RASSF6: variants seen among roughly 807,000 people sequenced by gnomAD.
RASSF6 encodes Ras association domain family member 6.
A neutral mutation model predicts 44.0 loss-of-function variants in RASSF6; 52 were observed. The observed-to-expected ratio is 1.18, with a 90% CI of 0.95 to 1.49. The LOEUF is 1.49. RASSF6 is among the 40% of genes most tolerant of loss of function. The probability of loss-of-function intolerance (pLI) is 0.00; values close to 1 mark genes in which losing one functional copy is unlikely to be tolerated. For missense variants in RASSF6, 464 were observed against 393.3 expected, an observed-to-expected ratio of 1.18 and a Z score of -1.52; for synonymous variants, 162 against 124.6, an observed-to-expected ratio of 1.30 and a Z score of -2.00.
At position 73,611,719 on chromosome 4, in the gene RASSF6, G is replaced by A. The variant is rs775046813; in HGVS notation, c.65+12C>T. 4.5e-6 allele frequency: 7 copies of A among 1,539,242 alleles called. No homozygotes were observed. The South Asian group carries it at 7.8e-5, about 17-fold the overall frequency. On this transcript the variant is annotated intron_variant, in intron 2 of 10. Coordinates refer to ENST00000307439, the MANE Select transcript of RASSF6 (RefSeq NM_177532.5). Reference sequence around the variant, plus strand: ...TGAGTAGGACAATGTATAATATAAGGTGTGTGGTTACCTGGTTATGAATGT... The same window carrying A: ...TGAGTAGGACAATGTATAATATAAGATGTGTGGTTACCTGGTTATGAATGT...
chr4:73,605,304 G>A (rs1446110922), intron 2 of RASSF6, among the ~76,000 whole-genome samples: 1 of 152,158 alleles, frequency 6.6e-6, no homozygotes, highest in East Asian at 1.9e-4. Context: ...ATATGAGGAC[G>A]CAGAAGAGAA....
intron 3 of RASSF6, among the ~76,000 whole-genome samples, chr4:73,597,437 C>A (rs1381863258): frequency 1.3e-5 from 2 of 152,158 alleles, no homozygotes; most frequent in African/African-American, 4.8e-5. Flanking sequence ...CATCTCACAC[C>A]AGTCAGAATG....
At chr4:73,614,325 C>T (rs1474343719) in intron 1 of RASSF6, among the ~76,000 whole-genome samples, 2 of 152,186 alleles carry the variant, frequency 1.3e-5, no homozygotes, top group African/African-American at 4.8e-5. Context: ...GATGTTGAAA[C>T]TTAACCCCCA....
At chr4:73,598,376 A>T (rs1725072502) in intron 3 of RASSF6, among the ~76,000 whole-genome samples, 1 of 152,240 alleles carries the variant, frequency 6.6e-6, no homozygotes, top group African/African-American at 2.4e-5. Flanking sequence ...TTTGTAAGAA[A>T]GTATTGTGAT....
Position 73,585,199 on chromosome 4 carries a change from C to T in RASSF6, c.548G>A (p.Gly183Glu). 6.2e-7 allele frequency: 1 copy of T among 1,606,404 alleles called. No individual in the cohort carries two copies. Among genetic ancestry groups the T allele is most frequent in the Non-Finnish European group, 8.5e-7 (1 of 1,176,962 alleles). ...ACTTACTTCATGGTTATAGAAGTGT[C>T]CATTAATAGAGGCTCTATTTTTCTG... ...ERQKNRASINGHFYNHETSIF... is the reference protein window; with the variant it reads ...ERQKNRASINEHFYNHETSIF... The change falls in exon 6 of 11, where the codon GGA (glycine) becomes GAA (glutamate). Residue 183 changes from glycine to glutamate, a missense_variant. Transcript: ENST00000307439.
rs1723101778 is a variant in RASSF6 at position 73,574,666 on chromosome 4, T to G, written c.*1569A>C. ...TACTACCTTGTTTCTGTCTTCTGATTGATACAGACTAACACAGTTGTTCAC... is the reference window on the plus strand; with the variant it reads ...TACTACCTTGTTTCTGTCTTCTGATGGATACAGACTAACACAGTTGTTCAC... On this transcript the variant is annotated 3_prime_UTR_variant, in exon 11 of 11. Transcript: ENST00000307439. 6.6e-6 allele frequency: 1 copy of G among 152,210 alleles called. No individual in the cohort carries two copies. The allele number at this position is 152,210 out of a possible 1,614,324, so 9.4% of individuals were successfully genotyped here. A position where few individuals can be genotyped will look rare whatever the true frequency, so the allele number is the denominator to read the frequency against.
intron 2 of RASSF6, among the ~76,000 whole-genome samples, chr4:73,611,094 C>T (rs1028252654): frequency 6.6e-6 from 1 of 152,092 alleles, no homozygotes; most frequent in African/African-American, 2.4e-5. Flanking sequence ...GGCTTTTTTC[C>T]TTTTTCCACC....
At chr4:73,586,370 T>C (rs930655993) in intron 5 of RASSF6, among the ~76,000 whole-genome samples, 1 of 151,990 alleles carries the variant, frequency 6.6e-6, no homozygotes, top group Non-Finnish European at 1.5e-5. Flanking sequence ...TTTTAGAGTA[T>C]AAAATTATAG....
intron 8 of RASSF6, 76 bp downstream of exon 8, chr4:73,581,741 G>A (rs1342781809): frequency 2.1e-6 from 2 of 949,678 alleles, no homozygotes; most frequent in Non-Finnish European, 3.4e-6. Context: ...GAGGCAAACT[G>A]TTCTTCTGCC....
At chr4:73,620,498 C>G (rs1271442099), upstream of RASSF6, 1 of 1,543,916 alleles carries the variant, frequency 6.5e-7, no homozygotes, top group Non-Finnish European at 8.7e-7. Context: ...CCTCCCAGAG[C>G]ATGGCTCAGC....
intron 1 of RASSF6, among the ~76,000 whole-genome samples, chr4:73,613,151 A>T (rs1394168390): frequency 6.6e-6 from 1 of 152,074 alleles, no homozygotes; most frequent in Non-Finnish European, 1.5e-5. Flanking sequence ...TTCTATTGCT[A>T]TCTTCTTGCT....
intron 8 of RASSF6, among the ~76,000 whole-genome samples, chr4:73,578,563 C>T (rs1723395682): frequency 1.3e-5 from 2 of 152,070 alleles, no homozygotes; most frequent in Admixed American, 1.3e-4. Context: ...CCTCACACAA[C>T]TCATAATACA....
chr4:73,581,798 T>G lies in RASSF6; in HGVS notation c.721+19A>C, dbSNP rs1029236684. 1 of 1,573,210 alleles carries G rather than the reference T, an allele frequency of 6.4e-7. No individual in the cohort carries two copies. The highest frequency in any genetic ancestry group is 1.3e-5 in the African/African-American group (1 of 74,088). On this transcript the variant is annotated intron_variant, in intron 8 of 10. Coordinates refer to ENST00000307439, the MANE Select transcript of RASSF6 (RefSeq NM_177532.5). ...TAGCACTCTAGAGTCAGGTAAAAAG[T>G]GTGATCAAGCTTTCTTACCTCCTGT... is the stretch of plus-strand genomic sequence containing the variant.
chr4:73,583,736 C>A (rs556941252), intron 6 of RASSF6, among the ~76,000 whole-genome samples: 1 of 151,022 alleles, frequency 6.6e-6, no homozygotes, highest in East Asian at 1.9e-4. Flanking sequence ...TCAACAGCAA[C>A]AACATAAGCT....
At chr4:73,603,430 C>T (rs1725412594) in intron 2 of RASSF6, among the ~76,000 whole-genome samples, 1 of 152,032 alleles carries the variant, frequency 6.6e-6, no homozygotes, top group South Asian at 2.1e-4. Flanking sequence ...GATTCTTCAT[C>T]ATGGCCCTGG....
At chr4:73,605,188 C>T (rs1212821120) in intron 2 of RASSF6, among the ~76,000 whole-genome samples, 6 of 152,018 alleles carry the variant, frequency 3.9e-5, no homozygotes, top group Non-Finnish European at 8.8e-5. Context: ...CCATGCCCGG[C>T]CTATAAATTC....
chr4:73,579,825 G>C (rs570820375), intron 8 of RASSF6, among the ~76,000 whole-genome samples: 2 of 151,536 alleles, frequency 1.3e-5, no homozygotes, highest in Non-Finnish European at 2.9e-5. Flanking sequence ...GAATATATAT[G>C]TGTCCTTAGA....
chr4:73,582,880 T>G (rs1233745088), intron 6 of RASSF6, among the ~76,000 whole-genome samples: 1 of 151,828 alleles, frequency 6.6e-6, no homozygotes, highest in Non-Finnish European at 1.5e-5. Context: ...TGAGTAAAAA[T>G]GTGGATATGT....
At chr4:73,584,920 C>T (rs532105265) in intron 6 of RASSF6, among the ~76,000 whole-genome samples, 1 of 152,076 alleles carries the variant, frequency 6.6e-6, no homozygotes, top group East Asian at 1.9e-4. Context: ...CTCCATAAGC[C>T]TCAATTAGCT....
Sources: allele counts gnomAD v4.1 joint callset (sites outside exome capture counted in the v4.1 genomes callset), GRCh38; gene constraint gnomAD v4.1.1; transcripts MANE v1.5; gene names NCBI Gene and HGNC (gene_info 2026-07-23, HGNC 2026-07-21).